Variants in SPICE1 observed in about 807,000 individuals in gnomAD.
SPICE1 encodes the protein spindle and centriole associated protein 1.
A neutral mutation model predicts 102.7 loss-of-function variants in SPICE1; 75 were observed. The observed-to-expected ratio is 0.73, with a 90% CI of 0.61 to 0.88. The LOEUF (loss-of-function observed/expected upper bound fraction) is 0.88. Among genes scored for constraint, SPICE1 ranks in the 40% least tolerant of loss-of-function variants. SPICE1 has a pLI of 0.00. For synonymous variants in SPICE1, 308 were observed against 350.3 expected, an observed-to-expected ratio of 0.88 and a Z score of 1.35; for missense variants, 979 against 1,020.1, an observed-to-expected ratio of 0.96 and a Z score of 0.55.
chr3:113,482,088 T>A (rs749154796), intron 7 of SPICE1, among the ~76,000 whole-genome samples: 1 of 152,236 alleles, frequency 6.6e-6, no homozygotes, highest in Non-Finnish European at 1.5e-5. Flanking sequence ...ATTTCCTGAC[T>A]TTTTAATGAT....
At chr3:113,482,893 T>C (rs1376858721) in intron 7 of SPICE1, among the ~76,000 whole-genome samples, 1 of 152,188 alleles carries the variant, frequency 6.6e-6, no homozygotes, top group Non-Finnish European at 1.5e-5. Flanking sequence ...TGCAGGCTCT[T>C]TTTTGGCTCC....
chr3:113,486,774 T>C (rs1200813413), intron 7 of SPICE1, among the ~76,000 whole-genome samples: 2 of 150,806 alleles, frequency 1.3e-5, no homozygotes, highest in Non-Finnish European at 3.0e-5. Flanking sequence ...TCAATTAAAG[T>C]AAAAGAAAAG....
chr3:113,512,784 C>A (rs1241418863), intron 1 of SPICE1, among the ~76,000 whole-genome samples: 1 of 152,046 alleles, frequency 6.6e-6, no homozygotes, highest in Non-Finnish European at 1.5e-5. Context: ...GGATTTCCAC[C>A]CAGTTCTATC....
At chr3:113,473,853 C>T (rs1936268304) in intron 7 of SPICE1, among the ~76,000 whole-genome samples, 1 of 151,904 alleles carries the variant, frequency 6.6e-6, no homozygotes, top group African/African-American at 2.4e-5. Flanking sequence ...TAAAGACCAT[C>T]GAGACTAGGA....
At chr3:113,479,409 T>C (rs1463791895) in intron 7 of SPICE1, among the ~76,000 whole-genome samples, 3 of 152,056 alleles carry the variant, frequency 2.0e-5, no homozygotes, top group Middle Eastern at 3.4e-3. Context: ...AAGTCTTTGC[T>C]ATTGTGAATA....
chr3:113,453,614 C>T lies in SPICE1; in HGVS notation c.1994G>A (p.Arg665Lys), dbSNP rs562601249. ...AGCAATTCGTGTCATTATGTCCTTT[C>T]TTTGTATTAATGACTCATTTGTTCT... Reference protein sequence around the residue: ...QLRTNESLIQRKDIMTRIADL... With the variant: ...QLRTNESLIQKKDIMTRIADL... The change falls in exon 14 of 18, where the codon AGA becomes AAA. Residue 665 changes from arginine (R) to lysine (K), a missense_variant. Arg to Lys is a conservative substitution (Grantham distance 26). Coordinates refer to ENST00000295872, the MANE Select transcript of SPICE1 (RefSeq NM_144718.4). The T allele has an allele frequency of 6.2e-7, 1 of 1,614,140 alleles. No individual in the cohort carries two copies. The highest frequency in any genetic ancestry group is 1.7e-4 in the Middle Eastern group (1 of 6,060).
At chr3:113,468,697 G>T (rs1320898910) in intron 9 of SPICE1, 65 bp downstream of exon 9, 20 of 1,514,892 alleles carry the variant, frequency 1.3e-5, no homozygotes, top group Non-Finnish European at 1.7e-5. Flanking sequence ...CATTGACTAA[G>T]AGATTAAGAC....
intron 14 of SPICE1, among the ~76,000 whole-genome samples, chr3:113,451,274 G>A (rs79687798): frequency 0.021 from 3,212 of 152,112 alleles, 100 homozygotes; most frequent in African/African-American, 0.065. Flanking sequence ...GAGAGGTAGG[G>A]TAAAAAATAG....
At chr3:113,447,780 T>C (rs142760801) in intron 16 of SPICE1, among the ~76,000 whole-genome samples, 230 of 152,318 alleles carry the variant, frequency 1.5e-3, no homozygotes, top group Non-Finnish European at 2.7e-3. Flanking sequence ...TCTCCTAATT[T>C]TGTAACCCGT....
At chr3:113,494,252 C>A in intron 4 of SPICE1, 110 bp from the exon 5 acceptor site, 1 of 665,122 alleles carries the variant, frequency 1.5e-6, no homozygotes, top group South Asian at 2.2e-5. Context: ...CATAGGCTAC[C>A]TTCCTAAAAA....
In SPICE1 at chr3:113,503,419, C is replaced by T. The variant is rs200801073; in HGVS notation, c.100-192G>A. Among the ~76,000 whole-genome samples the T allele has an allele frequency of 5.9e-5, 9 of 152,170 alleles. No homozygotes were observed. The East Asian group carries it at 1.7e-3, about 29-fold the overall frequency. ...TAGGTGTCCTATTTATAGAAAATAA[C>T]AGACTAATTTTAGATGTCTTACAGA... On this transcript the variant is annotated intron_variant, in intron 2 of 17. Transcript: ENST00000295872.
At chr3:113,481,897 A>C (rs1274968788) in intron 7 of SPICE1, among the ~76,000 whole-genome samples, 3 of 152,206 alleles carry the variant, frequency 2.0e-5, no homozygotes, top group Non-Finnish European at 4.4e-5. Flanking sequence ...GTGTCTGTAT[A>C]GAATGATTTA....
rs1256573994 is a variant in SPICE1, at chr3:113,446,690, A to C, written c.2427-14T>G. 1 of 1,596,076 alleles carries C rather than the reference A, an allele frequency of 6.3e-7. No homozygotes were observed. Among genetic ancestry groups the C allele is most frequent in the South Asian group, 1.1e-5 (1 of 90,156 alleles). The stretch of plus-strand genomic sequence containing the variant: ...GCCCCGGAAGATCTATTCATGAAAA[A>C]TAAAACAGAGTAAGAGAGTGAGCTA... On this transcript the variant is annotated splice_polypyrimidine_tract_variant and intron_variant, in intron 16 of 17. Coordinates refer to ENST00000295872, the MANE Select transcript of SPICE1 (RefSeq NM_144718.4).
Position 113,453,382 on chromosome 3 carries a change from G to A in SPICE1, c.2142+84C>T, listed in dbSNP as rs1935701901. 9.4e-6 allele frequency: 14 copies of A among 1,493,912 alleles called. No homozygotes were observed. The South Asian group carries it at 1.8e-4, about 19-fold the overall frequency. 92.5% of individuals were successfully genotyped at this position (1,493,912 alleles called of 1,614,324 possible). ...CTCAAAGCTTTCTAGGATCACTTCT[G>A]AAAAGAAGTTTCTTAAGTTGCCCAA... On this transcript the variant is annotated intron_variant, in intron 14 of 17. Coordinates refer to ENST00000295872, the MANE Select transcript of SPICE1 (RefSeq NM_144718.4).
At chr3:113,494,353 A>T (rs1331771508) in intron 4 of SPICE1, among the ~76,000 whole-genome samples, 1 of 152,172 alleles carries the variant, frequency 6.6e-6, no homozygotes, top group Non-Finnish European at 1.5e-5. Context: ...CAAAGTAAGA[A>T]ATATTCACAA....
At chr3:113,457,987 A>C (rs1935820198) in intron 12 of SPICE1, among the ~76,000 whole-genome samples, 1 of 152,212 alleles carries the variant, frequency 6.6e-6, no homozygotes, top group African/African-American at 2.4e-5. Context: ...GCTCATTACA[A>C]AACAAGGAAC....
intron 15 of SPICE1, 48 bp from the exon 16 acceptor site, chr3:113,448,188 A>C: frequency 6.8e-7 from 1 of 1,477,126 alleles, no homozygotes. Context: ...CAATGAAATA[A>C]AAATTTCACT....
chr3:113,446,513 A>G (rs1343312057), intron 17 of SPICE1, 76 bp downstream of exon 17: 1 of 1,006,990 alleles, frequency 9.9e-7, no homozygotes, highest in African/African-American at 1.6e-5. Flanking sequence ...ATGATAATTA[A>G]GAATGGAAAT....
At chr3:113,500,925 G>C (rs1936995964) in intron 3 of SPICE1, among the ~76,000 whole-genome samples, 1 of 152,098 alleles carries the variant, frequency 6.6e-6, no homozygotes, top group Admixed American at 6.5e-5. Flanking sequence ...ATATACATTA[G>C]ATGTCATATA....
Sources: gnomAD v4.1 joint callset for allele counts (sites outside exome capture counted in the v4.1 genomes callset) on GRCh38, gnomAD v4.1.1 for gene constraint, MANE v1.5 for transcripts, NCBI Gene and HGNC (gene_info 2026-07-23, HGNC 2026-07-21) for gene names.